The following RPS6KA2 variants were observed in gnomAD, a reference collection of about 807,000 sequenced individuals.
RPS6KA2 encodes the protein ribosomal protein S6 kinase alpha-2.
A neutral mutation model predicts 91.8 loss-of-function variants in RPS6KA2; 42 were observed. The ratio of observed to expected loss-of-function variants is 0.46; its 90% CI spans 0.36 to 0.59. The LOEUF is 0.59. Among genes scored for constraint, RPS6KA2 ranks in the 20% least tolerant of loss-of-function variants. The pLI, the probability that RPS6KA2 is intolerant of heterozygous loss-of-function variation, is 0.00. For missense variants in RPS6KA2, 798 were observed against 978.5 expected (o/e 0.82, Z 2.46); for synonymous variants, 414 against 393.6 (o/e 1.05, Z -0.61).
At chr6:166,469,748 G>T in intron 11 of RPS6KA2, 93 bp downstream of exon 11, 1 of 1,140,876 alleles carries the variant, frequency 8.8e-7, no homozygotes, top group South Asian at 1.2e-5. Context: ...CTTGTGACCC[G>T]GACACTGAGG....
At chr6:166,482,347 C>T (rs114731843) in intron 10 of RPS6KA2, among the ~76,000 whole-genome samples, 126 of 152,294 alleles carry the variant, frequency 8.3e-4, no homozygotes, top group African/African-American at 2.9e-3. Context: ...CCTCAGCTAT[C>T]GGGGCCCAAG....
chr6:166,733,020 A>G lies in RPS6KA2; in HGVS notation c.123+125180T>C, dbSNP rs944338931. The stretch of plus-strand genomic sequence containing the variant: ...CACTTATGCATTTGCCCAGTTTTGC[A>G]TCGGATTTCTGGAGGTTTGGGACCC... On this transcript the variant is annotated intron_variant, in intron 2 of 21. Transcript: ENST00000503859. This position sits in a 1 kb window ranked among gnomAD's most constrained non-coding sequence, Gnocchi z 4.1. Among the ~76,000 whole-genome samples, 3 of 152,194 alleles carry G rather than the reference A, an allele frequency of 2.0e-5. No homozygotes were observed. Among genetic ancestry groups the G allele is most frequent in the African/African-American group, 4.8e-5 (2 of 41,438 alleles).
intron 8 of RPS6KA2, among the ~76,000 whole-genome samples, chr6:166,491,906 G>C (rs1781599347): frequency 6.6e-6 from 1 of 152,034 alleles, no homozygotes; most frequent in Non-Finnish European, 1.5e-5. Context: ...ACTTTCAATG[G>C]TTATGATGAA....
chr6:166,805,012 G>A (rs1162212429), intron 2 of RPS6KA2, among the ~76,000 whole-genome samples: 1 of 152,132 alleles, frequency 6.6e-6, no homozygotes, highest in Non-Finnish European at 1.5e-5. Flanking sequence ...GAAAGCTTCT[G>A]GAAATGAAAG....
chr6:166,626,769 G>T lies in RPS6KA2; in HGVS notation c.99+152C>A. 2 of 574,384 alleles carry T rather than the reference G, an allele frequency of 3.5e-6. No homozygotes were observed. The highest frequency in any genetic ancestry group is 1.9e-5 in the African/African-American group (1 of 51,320). The allele number at this position is 574,384 out of a possible 1,614,324, so 35.6% of individuals were successfully genotyped here. On this transcript the variant is annotated intron_variant, in intron 1 of 20. Coordinates refer to ENST00000265678, the MANE Select transcript of RPS6KA2 (RefSeq NM_021135.6). This position sits in a 1 kb window ranked among gnomAD's most constrained non-coding sequence, Gnocchi z 4.1. ...AGTCCCAGCGATAACGTTTGGAGCC[G>T]TTTGGTTCGATTTTCGGAACCGGAC...
At chr6:166,756,980 G>T (rs1023927291) in intron 2 of RPS6KA2, among the ~76,000 whole-genome samples, 2 of 152,192 alleles carry the variant, frequency 1.3e-5, no homozygotes. Flanking sequence ...GGCGGTGGTG[G>T]TGGCTGCCCA....
intron 2 of RPS6KA2, chr6:166,702,809 C>T (rs143281329): frequency 3.7e-6 from 4 of 1,071,262 alleles, no homozygotes; most frequent in African/African-American, 1.6e-5. Flanking sequence ...GCGGCGTTCT[C>T]GCTGAGGTTT....
At chr6:166,701,897 G>A (rs568884540) in intron 2 of RPS6KA2, 13 of 1,082,430 alleles carry the variant, frequency 1.2e-5, no homozygotes, top group African/African-American at 3.1e-5. Flanking sequence ...TGGAGATATC[G>A]TGATTTTAGT....
At chr6:166,677,231 A>C (rs768011793) in intron 2 of RPS6KA2, among the ~76,000 whole-genome samples, 1 of 152,216 alleles carries the variant, frequency 6.6e-6, no homozygotes, top group African/African-American at 2.4e-5. Flanking sequence ...GCATCAAGCC[A>C]AGGTTAGGTT....
chr6:166,841,485 T>C lies in RPS6KA2; in HGVS notation c.123+16715A>G, dbSNP rs904635915. On this transcript the variant is annotated intron_variant, in intron 2 of 21. Transcript: ENST00000503859. ...GAAGATGAAAGTGTCAGAAGAATAC[T>C]GTATGTTTTTTCAAAGTTATAGGAG... Among the ~76,000 whole-genome samples the C allele has an allele frequency of 7.6e-4, 116 of 152,362 alleles. 1 individual carries two copies. The highest frequency in any genetic ancestry group is 2.7e-3 in the African/African-American group (112 of 41,586).
Position 166,412,675 on chromosome 6 carries a change from ACT to A in RPS6KA2, c.*85_*86del, listed in dbSNP as rs1344684326. ...CCGCCTCCCTGCTGGACTTGTGGTC[ACT>A]CTGGGTGCCAGACGGGCTCCGAGGC... On this transcript the variant is annotated 3_prime_UTR_variant, in exon 21 of 21. Transcript: ENST00000265678. This position sits in a 1 kb window ranked among gnomAD's most constrained non-coding sequence, Gnocchi z 4.3. The A allele has an allele frequency of 1.7e-5, 23 of 1,344,580 alleles. 1 individual carries two copies. Among genetic ancestry groups the A allele is most frequent in the Middle Eastern group, 5.1e-4 (2 of 3,886 alleles). 83.3% of individuals were successfully genotyped at this position (1,344,580 alleles called of 1,614,324 possible).
intron 2 of RPS6KA2, among the ~76,000 whole-genome samples, chr6:166,812,735 T>C (rs765236102): frequency 6.6e-6 from 1 of 152,200 alleles, no homozygotes; most frequent in Non-Finnish European, 1.5e-5. Flanking sequence ...AGAACCTACT[T>C]ATTTGCATGT....
intron 2 of RPS6KA2, among the ~76,000 whole-genome samples, chr6:166,727,622 C>T (rs935273149): frequency 6.6e-6 from 1 of 152,052 alleles, no homozygotes; most frequent in East Asian, 1.9e-4. Context: ...TGTACCAGCA[C>T]CCTAAGGCAC....
chr6:166,789,678 G>A (rs749259467), intron 2 of RPS6KA2, among the ~76,000 whole-genome samples: 1 of 152,212 alleles, frequency 6.6e-6, no homozygotes, highest in East Asian at 1.9e-4. Context: ...CCAGAGGAAC[G>A]ATCAGGCAGC....
intron 1 of RPS6KA2, among the ~76,000 whole-genome samples, chr6:166,588,826 C>T (rs1583305368): frequency 6.6e-6 from 1 of 152,130 alleles, no homozygotes; most frequent in Admixed American, 6.5e-5. Flanking sequence ...CAGCCAATGG[C>T]CCTCCGTGCT....
At chr6:166,824,703 G>C (rs1293583034) in intron 2 of RPS6KA2, among the ~76,000 whole-genome samples, 1 of 128,530 alleles carries the variant, frequency 7.8e-6, no homozygotes. Context: ...GTCTGTGTCT[G>C]TGTGTGTGTG....
intron 2 of RPS6KA2, among the ~76,000 whole-genome samples, chr6:166,652,403 A>C (rs6919949): frequency 0.14 from 21,232 of 152,050 alleles, 1,520 homozygotes; most frequent in East Asian, 0.19. Context: ...AGATAAATTA[A>C]CCTGTTTTCC....
chr6:166,451,054 C>T (rs750151296), intron 13 of RPS6KA2, 49 bp downstream of exon 13: 24 of 1,608,742 alleles, frequency 1.5e-5, no homozygotes, highest in Non-Finnish European at 1.9e-5. Flanking sequence ...AGTCACCCAT[C>T]ATCCAAGTGC....
rs1787748635 is a variant in RPS6KA2, at chr6:166,648,616, C to T, written c.124-109832G>A. On this transcript the variant is annotated intron_variant, in intron 2 of 21. Transcript: ENST00000503859. The surrounding 1 kb of genome is among the most constrained non-coding windows in gnomAD (Gnocchi z 4.8). ...TTAGTATTTTCACCTATCACCGCCA[C>T]GCAGCTGACTTCTTAATCTGTTTCC... Among the ~76,000 whole-genome samples, 1 of 152,208 alleles carries T rather than the reference C, an allele frequency of 6.6e-6. No homozygotes were observed. The highest frequency in any genetic ancestry group is 2.1e-4 in the South Asian group (1 of 4,832).
Sources: gnomAD v4.1 joint callset for allele counts (sites outside exome capture counted in the v4.1 genomes callset) on GRCh38, gnomAD v4.1.1 for gene constraint, Gnocchi (gnomAD v3.1) non-coding constraint, MANE v1.5 for transcripts, NCBI Gene and HGNC (gene_info 2026-07-23, HGNC 2026-07-21) for gene names.